The following NCOA1 variants were observed in gnomAD, a reference collection of about 807,000 sequenced individuals.
NCOA1 encodes Hin-2 protein.
NCOA1 carries 35 observed loss-of-function variants against 150.9 expected under a neutral mutation model. The observed-to-expected ratio is 0.23, with a 90% CI of 0.18 to 0.31. NCOA1 has a LOEUF of 0.31. Ranked by LOEUF, NCOA1 falls within the 10% of genes least tolerant of loss-of-function variation. NCOA1 has a pLI of 1.00. For synonymous variants in NCOA1, 590 were observed against 630.0 expected (o/e 0.94, Z 0.95); for missense variants, 1,491 against 1,749.3 (o/e 0.85, Z 2.63).
intron 3 of NCOA1, among the ~76,000 whole-genome samples, chr2:24,612,499 T>G (rs1307047786): frequency 6.6e-6 from 1 of 152,224 alleles, no homozygotes; most frequent in East Asian, 1.9e-4. Flanking sequence ...GGTTGTTTGC[T>G]TTTTCTCCAT....
chr2:24,762,665 A>G (rs746696874), intron 21 of NCOA1, 22 bp from the exon 22 acceptor site: 7 of 1,600,036 alleles, frequency 4.4e-6, no homozygotes, highest in Non-Finnish European at 5.1e-6. Context: ...TTGTAATTTG[A>G]TCTTGTATTT....
intron 4 of NCOA1, among the ~76,000 whole-genome samples, chr2:24,648,305 A>T (rs1356211859): frequency 6.6e-6 from 1 of 150,690 alleles, no homozygotes; most frequent in Non-Finnish European, 1.5e-5. Context: ...ACGGTGTCTC[A>T]CTGTGTCGCC....
intron 21 of NCOA1, among the ~76,000 whole-genome samples, chr2:24,759,035 G>A (rs989151258): frequency 6.6e-6 from 1 of 151,980 alleles, no homozygotes; most frequent in Non-Finnish European, 1.5e-5. Context: ...ATATTGTCTT[G>A]GAATATTCCA....
chr2:24,644,616 T>C (rs941118015), intron 4 of NCOA1, among the ~76,000 whole-genome samples: 13 of 152,186 alleles, frequency 8.5e-5, no homozygotes, highest in Admixed American at 8.5e-4. Flanking sequence ...GTTTGTGAGC[T>C]AGCTGAATAG....
chr2:24,653,201 C>T lies in NCOA1; in HGVS notation c.-17-5460C>T, dbSNP rs78585138. Among the ~76,000 whole-genome samples, 466 of 152,260 alleles carry T rather than the reference C, an allele frequency of 3.1e-3. 2 individuals are homozygous for T. The highest frequency in any genetic ancestry group is 1.4e-3 in the Non-Finnish European group (94 of 68,010). On this transcript the variant is annotated intron_variant, in intron 4 of 22. Coordinates refer to ENST00000348332, the MANE Select transcript of NCOA1 (RefSeq NM_003743.5). ...TTTAGATCCAGAGGTATTTATTACT[C>T]AAAATTATTCAATCTGTGAGATTGT...
intron 1 of NCOA1, 95 bp from the exon 2 acceptor site, chr2:24,564,200 G>T (rs1400255979): frequency 6.6e-6 from 1 of 152,152 alleles, no homozygotes; most frequent in African/African-American, 2.4e-5. Context: ...ATCTGTGTAA[G>T]AATCTTTGTA....
intron 3 of NCOA1, among the ~76,000 whole-genome samples, chr2:24,640,292 AGTT>A (rs1670151472): frequency 6.6e-6 from 1 of 152,092 alleles, no homozygotes; most frequent in Admixed American, 6.5e-5. Flanking sequence ...TACATTTGCC[AGTT>A]GTTGGATGTA....
intron 3 of NCOA1, among the ~76,000 whole-genome samples, chr2:24,603,115 A>G (rs1017561980): frequency 6.6e-6 from 1 of 152,222 alleles, no homozygotes; most frequent in African/African-American, 2.4e-5. Context: ...TTGCTTCCCC[A>G]GTGCTTATAA....
intron 12 of NCOA1, among the ~76,000 whole-genome samples, chr2:24,706,349 C>T (rs1016268403): frequency 6.6e-6 from 1 of 151,972 alleles, no homozygotes. Flanking sequence ...ATGTAAGAGT[C>T]GATAAGCATT....
intron 3 of NCOA1, among the ~76,000 whole-genome samples, chr2:24,638,880 G>A (rs1355993450): frequency 6.6e-6 from 1 of 152,084 alleles, no homozygotes; most frequent in Non-Finnish European, 1.5e-5. Context: ...AGATATTTGA[G>A]TTCCTTGTAT....
chr2:24,751,383 G>C (rs1311707712), intron 19 of NCOA1, among the ~76,000 whole-genome samples: 1 of 150,090 alleles, frequency 6.7e-6, no homozygotes, highest in Non-Finnish European at 1.5e-5. Context: ...AGGAGTTCGA[G>C]ACCACCCTGG....
At chr2:24,538,145 T>C (rs1228363319) in intron 1 of NCOA1, among the ~76,000 whole-genome samples, 1 of 152,228 alleles carries the variant, frequency 6.6e-6, no homozygotes, top group East Asian at 1.9e-4. Context: ...GCAAGTGTTA[T>C]ATATGTGTAT....
At chr2:24,685,522 CGT>C (rs1192422293) in intron 8 of NCOA1, among the ~76,000 whole-genome samples, 2 of 152,112 alleles carry the variant, frequency 1.3e-5, no homozygotes, top group African/African-American at 2.4e-5. Flanking sequence ...AAAAGCAAGT[CGT>C]TATAAATTCA....
At chr2:24,668,886 G>C (rs1671559418) in intron 6 of NCOA1, among the ~76,000 whole-genome samples, 1 of 151,938 alleles carries the variant, frequency 6.6e-6, no homozygotes, top group East Asian at 1.9e-4. Context: ...GTTTAGGGTT[G>C]AATTAAACTA....
intron 14 of NCOA1, among the ~76,000 whole-genome samples, chr2:24,723,043 ATTTG>A (rs1489846381): frequency 6.6e-6 from 1 of 150,756 alleles, no homozygotes; most frequent in Non-Finnish European, 1.5e-5. Flanking sequence ...GTTTTTGTAT[ATTTG>A]TTTATTTATT....
chr2:24,727,719 G>A lies in NCOA1; in HGVS notation c.2718-589G>A, dbSNP rs1233412319. 2.0e-5 allele frequency among the ~76,000 whole-genome samples: 3 copies of A among 152,230 alleles called. No individual in the cohort carries two copies. In the East Asian group the frequency reaches 5.8e-4, roughly 29 times the overall value. Reference sequence around the variant, plus strand: ...TATCAGTTGGTATCTATTTGGATTAGACTGTATATTTCCTACATGTAATCA... The same window carrying A: ...TATCAGTTGGTATCTATTTGGATTAAACTGTATATTTCCTACATGTAATCA... On this transcript the variant is annotated intron_variant, in intron 15 of 22. Transcript: ENST00000348332.
At chr2:24,725,922 A>G (rs962139316) in intron 14 of NCOA1, among the ~76,000 whole-genome samples, 2 of 152,148 alleles carry the variant, frequency 1.3e-5, no homozygotes, top group Non-Finnish European at 2.9e-5. Flanking sequence ...TAGGTTATTT[A>G]TAAATTTTTT....
intron 17 of NCOA1, among the ~76,000 whole-genome samples, chr2:24,733,782 A>G (rs1007524449): frequency 6.6e-6 from 1 of 152,178 alleles, no homozygotes; most frequent in South Asian, 2.1e-4. Flanking sequence ...AGAAAATCCA[A>G]AAGAATCTAT....
intron 1 of NCOA1, among the ~76,000 whole-genome samples, chr2:24,504,835 A>C (rs1663621531): frequency 6.6e-6 from 1 of 152,226 alleles, no homozygotes. Context: ...TGAGAGAGGG[A>C]GTAAAGGGCT....
Sources: allele counts gnomAD v4.1 joint callset (sites outside exome capture counted in the v4.1 genomes callset), GRCh38; gene constraint gnomAD v4.1.1; transcripts MANE v1.5; gene names NCBI Gene and HGNC (gene_info 2026-07-23, HGNC 2026-07-21).